The following SPTB variants were observed in gnomAD, a reference collection of about 807,000 sequenced individuals.
The protein encoded by SPTB is spectrin beta chain, erythrocytic.
Under a neutral mutation model 256.2 loss-of-function variants are expected in SPTB, and 45 were observed. That is an observed-to-expected ratio of 0.18 (90% confidence interval 0.14 to 0.23). SPTB has a LOEUF of 0.23. Among genes scored for constraint, SPTB ranks in the 10% least tolerant of loss-of-function variants. The probability of loss-of-function intolerance (pLI) is 1.00; values close to 1 mark genes in which losing one functional copy is unlikely to be tolerated. For synonymous variants in SPTB, 1,231 were observed against 1,243.1 expected, an observed-to-expected ratio of 0.99 and a Z score of 0.21; for missense variants, 2,715 against 3,040.4, an observed-to-expected ratio of 0.89 and a Z score of 2.52.
rs904952304 is a variant in SPTB, at chr14:64,781,399, G to A, written c.4266+891C>T. Among the ~76,000 whole-genome samples, 6 of 152,148 alleles carry A rather than the reference G, an allele frequency of 3.9e-5. No individual in the cohort carries two copies. The East Asian group carries it at 1.2e-3, about 29-fold the overall frequency. On this transcript the variant is annotated intron_variant, in intron 20 of 35. Coordinates refer to ENST00000644917, the MANE Select transcript of SPTB (RefSeq NM_001355436.2). ...GGAAAACAAACAATGCCATTAAAAA[G>A]TGGGCAAAGGACATGAACAGACACT... is the stretch of plus-strand genomic sequence containing the variant.
At chr14:64,856,487 A>G (rs2083874897) in intron 1 of SPTB, among the ~76,000 whole-genome samples, 1 of 152,208 alleles carries the variant, frequency 6.6e-6, no homozygotes, top group Admixed American at 6.5e-5. Context: ...AGGAAGCAAG[A>G]GTTTCAAGGT....
rs1461642023 is a variant in SPTB, at chr14:64,778,166, C to A, written c.4563+991G>T. Among the ~76,000 whole-genome samples the A allele has an allele frequency of 6.6e-6, 1 of 152,174 alleles. No homozygotes were observed. The highest frequency in any genetic ancestry group is 1.5e-5 in the Non-Finnish European group (1 of 68,032). Reference sequence around the variant, plus strand: ...AGCCTCTGCGACTAGATCATGTCAACCAGAAGCAAAGGGCCTAAGGCAGCT... The same window carrying A: ...AGCCTCTGCGACTAGATCATGTCAAACAGAAGCAAAGGGCCTAAGGCAGCT... On this transcript the variant is annotated intron_variant, in intron 22 of 35. Coordinates refer to ENST00000644917, the MANE Select transcript of SPTB (RefSeq NM_001355436.2). The surrounding 1 kb of genome is among the most constrained non-coding windows in gnomAD (Gnocchi z 5.2).
intron 2 of SPTB, among the ~76,000 whole-genome samples, chr14:64,813,121 T>G (rs1232385533): frequency 6.6e-6 from 1 of 152,188 alleles, no homozygotes; most frequent in Non-Finnish European, 1.5e-5. Flanking sequence ...TTGTGGGTAA[T>G]TTTTTCTTCT....
At chr14:64,857,075 A>G in intron 1 of SPTB, among the ~76,000 whole-genome samples, 1 of 152,242 alleles carries the variant, frequency 6.6e-6, no homozygotes, top group Admixed American at 6.5e-5. Context: ...AAGTAACCCC[A>G]GAATGCTGCG....
intron 2 of SPTB, among the ~76,000 whole-genome samples, chr14:64,822,374 T>TCTCACACACACACACA (rs1365655327): frequency 2.0e-3 from 2 of 1,016 alleles, no homozygotes; most frequent in African/African-American, 8.9e-3. Flanking sequence ...TCTCTCTCTC[T>TCTCACACACACACACA]CACACACACA....
chr14:64,765,893 A>ATG lies in SPTB; in HGVS notation c.6345+831_6345+832dup, dbSNP rs904377620. 1.6e-4 allele frequency among the ~76,000 whole-genome samples: 19 copies of ATG among 121,650 alleles called. No homozygotes were observed. The East Asian group carries it at 2.2e-3, about 14-fold the overall frequency. The allele number at this position is 121,650 out of a possible 152,430, so 79.8% of individuals were successfully genotyped here. A position where few individuals can be genotyped will look rare whatever the true frequency, so the allele number is the denominator to read the frequency against. ...TGTGTGTGGAGGTTGCGGTGTGTGC[A>ATG]TGTGTGTGTGTGTGGGGGTGTGGTG... On this transcript the variant is annotated intron_variant, in intron 32 of 35. Transcript: ENST00000644917.
At chr14:64,797,590 T>A (rs892498011) in intron 10 of SPTB, 139 bp downstream of exon 10, 2 of 608,168 alleles carry the variant, frequency 3.3e-6, no homozygotes, top group Admixed American at 4.0e-5. Flanking sequence ...GTTCGATAAC[T>A]CCCCCAAATA....
At chr14:64,879,329 T>G (rs1882994433) in intron 1 of SPTB, among the ~76,000 whole-genome samples, 1 of 151,964 alleles carries the variant, frequency 6.6e-6, no homozygotes, top group Non-Finnish European at 1.5e-5. Context: ...GCAGCCAAGT[T>G]CCCCAGAAGA....
chr14:64,831,684 T>C (rs1033933007), intron 1 of SPTB, among the ~76,000 whole-genome samples: 8 of 152,182 alleles, frequency 5.3e-5, no homozygotes, highest in Admixed American at 3.3e-4. Context: ...AGGGGACATA[T>C]GCAAGAATGT....
chr14:64,867,066 T>C (rs1882226451), intron 1 of SPTB, among the ~76,000 whole-genome samples: 1 of 152,130 alleles, frequency 6.6e-6, no homozygotes, highest in Non-Finnish European at 1.5e-5. Flanking sequence ...TATCTGACGA[T>C]GTAAGTTAAA....
chr14:64,804,843 T>C, intron 3 of SPTB, 96 bp downstream of exon 3: 1 of 1,515,864 alleles, frequency 6.6e-7, no homozygotes, highest in South Asian at 1.1e-5. Flanking sequence ...GAGAGAAAAC[T>C]GGGAAGGCCA....
At chr14:64,804,631 G>A (rs933906702) in intron 3 of SPTB, among the ~76,000 whole-genome samples, 13 of 152,142 alleles carry the variant, frequency 8.5e-5, no homozygotes, top group Admixed American at 7.2e-4. Flanking sequence ...ATCTTAGCCC[G>A]ATGGGGAGAT....
At chr14:64,751,927 C>CAAAAAAAAAAAAAAAAAAAAAGAA (rs374561563) in intron 33 of SPTB, among the ~76,000 whole-genome samples, 1 of 71,940 alleles carries the variant, frequency 1.4e-5, no homozygotes, top group African/African-American at 5.7e-5. Flanking sequence ...ACTAAAAATG[C>CAAAAAAAAAAAAAAAAAAAAAGAA]AAAAAAAAAA....
At chr14:64,839,407 T>C (rs531418050) in intron 1 of SPTB, among the ~76,000 whole-genome samples, 1 of 152,284 alleles carries the variant, frequency 6.6e-6, no homozygotes, top group East Asian at 1.9e-4. Context: ...AATCAGTGGT[T>C]GCCAGGGGTT....
intron 20 of SPTB, among the ~76,000 whole-genome samples, chr14:64,781,087 A>G (rs775111861): frequency 2.0e-5 from 3 of 152,258 alleles, no homozygotes; most frequent in Non-Finnish European, 4.4e-5. Context: ...GATGGATTAC[A>G]GACTTCAATG....
At position 64,837,813 on chromosome 14, in the gene SPTB, C is replaced by A. The variant is rs191754431; in HGVS notation, c.-51-14668G>T. ...ACAGAGTTTCACCATGTTGGCCAGGCAGGTCTCAAACTCCTGACCTCTGGA... is the reference window on the plus strand; with the variant it reads ...ACAGAGTTTCACCATGTTGGCCAGGAAGGTCTCAAACTCCTGACCTCTGGA... On this transcript the variant is annotated intron_variant, in intron 1 of 35. Coordinates refer to ENST00000644917, the MANE Select transcript of SPTB (RefSeq NM_001355436.2). Among the ~76,000 whole-genome samples, 351 of 152,230 alleles carry A rather than the reference C, an allele frequency of 2.3e-3. 6 individuals carry two copies. The highest frequency in any genetic ancestry group is 0.021 in the Middle Eastern group (6 of 292).
rs149147615 is a variant in SPTB at position 64,798,212 on chromosome 14, A to G, written c.1065-366T>C. 8.9e-4 allele frequency among the ~76,000 whole-genome samples: 136 copies of G among 152,334 alleles called. No individual in the cohort carries two copies. In the Middle Eastern group the frequency reaches 0.014, roughly 15 times the overall value. ...TTTAAAAAACCTTCTCTGTGCTGCA[A>G]GTGATGAGGGCTTCTTACTAGCTCT... On this transcript the variant is annotated intron_variant, in intron 9 of 35. Transcript: ENST00000644917.
Position 64,785,404 on chromosome 14 carries a change from C to T in SPTB, c.3855+133G>A. Reference sequence around the variant, plus strand: ...TTCCAGAGAATGACCCAATTAAGTACCCAGAGGTCCCCGCTCATGGAATCC... The same window carrying T: ...TTCCAGAGAATGACCCAATTAAGTATCCAGAGGTCCCCGCTCATGGAATCC... On this transcript the variant is annotated intron_variant, in intron 18 of 35. Transcript: ENST00000644917. This position sits in a 1 kb window ranked among gnomAD's most constrained non-coding sequence, Gnocchi z 4.4. 1 of 786,712 alleles carries T rather than the reference C, an allele frequency of 1.3e-6. No individual in the cohort carries two copies. Among genetic ancestry groups the T allele is most frequent in the Non-Finnish European group, 2.1e-6 (1 of 466,380 alleles). 48.7% of individuals were successfully genotyped at this position (786,712 alleles called of 1,614,324 possible).
chr14:64,801,825 A>T lies in SPTB; in HGVS notation c.576T>A (p.His192Gln). Residue 192 changes from histidine to glutamine, a missense_variant, in exon 6 of 36, where the codon CAT (histidine) becomes CAA (glutamine). His to Gln is a conservative substitution (Grantham distance 24). Coordinates refer to ENST00000644917, the MANE Select transcript of SPTB (RefSeq NM_001355436.2). ...WCQMKTAGYPHVNVTNFTSSW... is the reference protein window; with the variant it reads ...WCQMKTAGYPQVNVTNFTSSW... The stretch of plus-strand genomic sequence containing the variant: ...TGGAGGTAAAGTTGGTGACATTAAC[A>T]TGAGGGTAGCTGCATCCAAGAGAAA... 2 of 1,614,208 alleles carry T rather than the reference A, an allele frequency of 1.2e-6. No individual in the cohort carries two copies. Among genetic ancestry groups the T allele is most frequent in the South Asian group, 1.1e-5 (1 of 91,082 alleles).
Sources: gnomAD v4.1 joint callset for allele counts (sites outside exome capture counted in the v4.1 genomes callset) on GRCh38, gnomAD v4.1.1 for gene constraint, Gnocchi (gnomAD v3.1) non-coding constraint, MANE v1.5 for transcripts, NCBI Gene and HGNC (gene_info 2026-07-23, HGNC 2026-07-21) for gene names.